SLC9B1: variants seen among roughly 807,000 people sequenced by gnomAD.
SLC9B1 encodes solute carrier family 9 member B1, also known as sodium/hydrogen exchanger 9B1.
In SLC9B1, 32 loss-of-function variants were observed where a neutral mutation model predicts 51.7. That is an observed-to-expected ratio of 0.62 (90% CI 0.47 to 0.83). The LOEUF is 0.83. Among genes scored for constraint, SLC9B1 ranks in the 40% least tolerant of loss-of-function variants. The probability of loss-of-function intolerance (pLI) is 0.00; values close to 1 mark genes in which losing one functional copy is unlikely to be tolerated. For synonymous variants in SLC9B1, 145 were observed against 212.7 expected (o/e 0.68, Z 2.77); for missense variants, 406 against 613.2 (o/e 0.66, Z 3.57).
intron 3 of SLC9B1, among the ~76,000 whole-genome samples, chr4:102,980,630 T>C (rs1739303180): frequency 6.6e-6 from 1 of 152,106 alleles, no homozygotes; most frequent in African/African-American, 2.4e-5. Context: ...TAATGGATGC[T>C]GAGCTTAATA....
At chr4:102,926,000 T>C (rs111369132) in intron 7 of SLC9B1, among the ~76,000 whole-genome samples, 2,118 of 152,304 alleles carry the variant, frequency 0.014, 5 homozygotes, top group African/African-American at 0.043. Flanking sequence ...AAAAACCACA[T>C]GATTATCTCA....
chr4:102,917,723 C>G (rs1735653819), intron 7 of SLC9B1, among the ~76,000 whole-genome samples: 2 of 152,014 alleles, frequency 1.3e-5, no homozygotes, highest in African/African-American at 4.8e-5. Context: ...CCTCAAGAAA[C>G]TGGAAAAAGA....
At chr4:103,016,267 C>T (rs562966413) in intron 1 of SLC9B1, among the ~76,000 whole-genome samples, 1 of 151,874 alleles carries the variant, frequency 6.6e-6, no homozygotes, top group African/African-American at 2.4e-5. Flanking sequence ...AATATACACA[C>T]TCTCTCTTAT....
At chr4:102,989,312 C>T (rs533963009) in intron 3 of SLC9B1, among the ~76,000 whole-genome samples, 1 of 152,020 alleles carries the variant, frequency 6.6e-6, no homozygotes, top group Admixed American at 6.5e-5. Flanking sequence ...TTTAGAAAAA[C>T]ATACACAAGA....
intron 3 of SLC9B1, among the ~76,000 whole-genome samples, chr4:102,975,098 G>C (rs932120567): frequency 1.6e-4 from 25 of 152,142 alleles, no homozygotes; most frequent in Non-Finnish European, 5.9e-5. Context: ...GAACTCCTGG[G>C]CTCCAGGGAC....
At chr4:102,956,314 TA>T (rs35614802) in intron 3 of SLC9B1, among the ~76,000 whole-genome samples, 72,888 of 133,068 alleles carry the variant, frequency 0.55, 18,857 homozygotes, top group African/African-American at 0.68. Context: ...TGAGTATTAC[TA>T]AAAAAAAAAA....
Position 102,989,927 on chromosome 4 carries a change from A to G in SLC9B1, c.84T>C (p.Pro28=). 1 of 1,580,942 alleles carries G rather than the reference A, an allele frequency of 6.3e-7. No individual in the cohort carries two copies. The highest frequency in any genetic ancestry group is 8.6e-7 in the Non-Finnish European group (1 of 1,158,234). The change falls in exon 3 of 12, where the codon CCT becomes CCC. Residue 28 remains proline (P), a synonymous_variant. Transcript: ENST00000296422. ...TAGTTTCTTCCTGTGCAGTATTATT[A>G]GGATCAATGAGACTCTGTAGTAAAA... ...TSTTPQSLID[P]NNTAQEETKT... is the part of the protein sequence containing the mutation.
At chr4:102,886,878 G>C (rs1222759557) in intron 11 of SLC9B1, among the ~76,000 whole-genome samples, 2 of 152,180 alleles carry the variant, frequency 1.3e-5, no homozygotes, top group African/African-American at 2.4e-5. Context: ...GCCTCTGAAA[G>C]TGTTGGGATT....
At chr4:103,017,219 T>C (rs1460136672) in intron 1 of SLC9B1, among the ~76,000 whole-genome samples, 1 of 152,196 alleles carries the variant, frequency 6.6e-6, no homozygotes, top group Non-Finnish European at 1.5e-5. Context: ...CATCTACTTC[T>C]CTGCTATTTT....
chr4:102,978,133 T>C (rs1057154115), intron 3 of SLC9B1, among the ~76,000 whole-genome samples: 4 of 152,216 alleles, frequency 2.6e-5, no homozygotes, highest in Non-Finnish European at 5.9e-5. Context: ...ACAAACGACA[T>C]GAACTCATCA....
At chr4:103,001,792 C>T (rs1578413026) in intron 1 of SLC9B1, among the ~76,000 whole-genome samples, 1 of 152,192 alleles carries the variant, frequency 6.6e-6, no homozygotes, top group African/African-American at 2.4e-5. Flanking sequence ...TATAGCAGTA[C>T]CCCACTCTTC....
At chr4:102,974,357 CA>C (rs1738947494) in intron 3 of SLC9B1, among the ~76,000 whole-genome samples, 1 of 146,592 alleles carries the variant, frequency 6.8e-6, no homozygotes, top group Non-Finnish European at 1.5e-5. Flanking sequence ...AAACAATAGG[CA>C]AGATTCACAA....
intron 7 of SLC9B1, among the ~76,000 whole-genome samples, chr4:102,930,422 TA>T (rs1346603058): frequency 1.3e-5 from 2 of 152,038 alleles, no homozygotes; most frequent in African/African-American, 2.4e-5. Context: ...TTTTTTAAAT[TA>T]AAAAAAAATT....
At chr4:102,957,537 T>A (rs182981801) in intron 3 of SLC9B1, among the ~76,000 whole-genome samples, 336 of 152,238 alleles carry the variant, frequency 2.2e-3, no homozygotes, top group Non-Finnish European at 2.4e-3. Context: ...GAGGGAAAAA[T>A]AACTGTCAAT....
intron 6 of SLC9B1, among the ~76,000 whole-genome samples, chr4:102,942,366 C>T (rs1737047972): frequency 6.6e-6 from 1 of 152,208 alleles, no homozygotes; most frequent in Admixed American, 6.5e-5. Context: ...GCCCGCATAA[C>T]CAAAGCAAGA....
intron 11 of SLC9B1, among the ~76,000 whole-genome samples, chr4:102,886,939 T>C (rs1733956793): frequency 6.6e-6 from 1 of 152,200 alleles, no homozygotes; most frequent in East Asian, 1.9e-4. Flanking sequence ...TTTTCAAAAA[T>C]TGTGTGGTAT....
intron 4 of SLC9B1, among the ~76,000 whole-genome samples, chr4:102,947,806 C>G (rs1737340959): frequency 6.6e-6 from 1 of 152,242 alleles, no homozygotes; most frequent in Non-Finnish European, 1.5e-5. Context: ...CAATTTCCTA[C>G]AGCATATTTC....
At chr4:102,971,239 T>C (rs1212321915) in intron 3 of SLC9B1, among the ~76,000 whole-genome samples, 1 of 152,188 alleles carries the variant, frequency 6.6e-6, no homozygotes, top group East Asian at 1.9e-4. Context: ...TAGTTTGAAG[T>C]AAAGCACTCC....
chr4:102,899,694 G>A (rs1412995904), downstream of SLC9B1, among the ~76,000 whole-genome samples: 1 of 152,134 alleles, frequency 6.6e-6, no homozygotes, highest in Non-Finnish European at 1.5e-5. Flanking sequence ...TTACAGGCAT[G>A]AGCCACAACA....
Sources: gnomAD v4.1 joint callset for allele counts (sites outside exome capture counted in the v4.1 genomes callset) on GRCh38, gnomAD v4.1.1 for gene constraint, MANE v1.5 for transcripts, NCBI Gene and HGNC (gene_info 2026-07-23, HGNC 2026-07-21) for gene names.